The following HDAC4 variants were observed in gnomAD, a reference collection of about 807,000 sequenced individuals.
HDAC4 encodes histone deacetylase A.
Under a neutral mutation model 135.1 loss-of-function variants are expected in HDAC4, and 16 were observed. The ratio of observed to expected loss-of-function variants is 0.12; its 90% CI spans 0.08 to 0.18. HDAC4 has a LOEUF of 0.18. Ranked by LOEUF, HDAC4 falls within the 10% of genes least tolerant of loss-of-function variation. The pLI is 1.00. For synonymous variants in HDAC4, 685 were observed against 653.4 expected (o/e 1.05, Z -0.74); for missense variants, 1,143 against 1,511.8 (o/e 0.76, Z 4.05).
At chr2:239,291,217 T>A (rs1167865212) in intron 2 of HDAC4, among the ~76,000 whole-genome samples, 1 of 152,206 alleles carries the variant, frequency 6.6e-6, no homozygotes, top group Non-Finnish European at 1.5e-5. Flanking sequence ...GGGGGTGTTA[T>A]GACAAAACTG....
intron 7 of HDAC4, among the ~76,000 whole-genome samples, chr2:239,151,914 G>A (rs2042140906): frequency 6.6e-6 from 1 of 152,194 alleles, no homozygotes; most frequent in African/African-American, 2.4e-5. Flanking sequence ...GAGTGCTGTG[G>A]AGTGCACGGT....
intron 2 of HDAC4, among the ~76,000 whole-genome samples, chr2:239,296,483 T>C (rs561985887): frequency 6.6e-6 from 1 of 152,324 alleles, no homozygotes; most frequent in South Asian, 2.1e-4. Flanking sequence ...GACACTCTAA[T>C]TCTAAAGGTC....
At chr2:239,373,288 G>C (rs1559392052) in intron 1 of HDAC4, among the ~76,000 whole-genome samples, 1 of 152,114 alleles carries the variant, frequency 6.6e-6, no homozygotes, top group Non-Finnish European at 1.5e-5. Context: ...TGCCAAGCTA[G>C]GTAAAAAGCA....
chr2:239,103,105 C>T (rs990158733), intron 15 of HDAC4, among the ~76,000 whole-genome samples: 1 of 152,248 alleles, frequency 6.6e-6, no homozygotes, highest in African/African-American at 2.4e-5. Flanking sequence ...AGGGCTTACA[C>T]TTAATTATAG....
intron 2 of HDAC4, among the ~76,000 whole-genome samples, chr2:239,301,971 C>CA (rs1559345545): frequency 6.6e-6 from 1 of 151,572 alleles, no homozygotes; most frequent in Non-Finnish European, 1.5e-5. Flanking sequence ...AACAAACAAA[C>CA]AAAAAAACAC....
At chr2:239,334,529 CAAAT>C (rs1691794833) in intron 2 of HDAC4, among the ~76,000 whole-genome samples, 1 of 149,094 alleles carries the variant, frequency 6.7e-6, no homozygotes, top group South Asian at 2.1e-4. Flanking sequence ...TCAAAACAAA[CAAAT>C]AAAAAAAAAC....
chr2:239,339,433 G>A (rs545244222), intron 2 of HDAC4, among the ~76,000 whole-genome samples: 1 of 152,332 alleles, frequency 6.6e-6, no homozygotes, highest in South Asian at 2.1e-4. Context: ...CCACCCCTGG[G>A]CAGTGATCTC....
intron 6 of HDAC4, among the ~76,000 whole-genome samples, chr2:239,159,019 T>A (rs1474461301): frequency 3.4e-5 from 5 of 148,128 alleles, no homozygotes; most frequent in Non-Finnish European, 7.5e-5. Flanking sequence ...TACCTGCACC[T>A]CACACTATTC....
chr2:239,162,192 G>T, intron 6 of HDAC4: 1 of 456,756 alleles, frequency 2.2e-6, no homozygotes, highest in Non-Finnish European at 4.4e-6. Context: ...TCTTCAGAAA[G>T]GGCTGCCCGT....
intron 2 of HDAC4, among the ~76,000 whole-genome samples, chr2:239,321,785 G>A (rs906256241): frequency 6.6e-6 from 1 of 152,050 alleles, no homozygotes; most frequent in South Asian, 2.1e-4. Flanking sequence ...CACAGCTCCC[G>A]CCCACACCAG....
At chr2:239,174,531 C>A (rs1166387791) in intron 5 of HDAC4, among the ~76,000 whole-genome samples, 1 of 152,212 alleles carries the variant, frequency 6.6e-6, no homozygotes, top group East Asian at 1.9e-4. Flanking sequence ...GCCACAGGAA[C>A]CCCTGTACAT....
At chr2:239,053,724 C>T (rs568246132) in intron 25 of HDAC4, 123 bp from the exon 26 acceptor site, 20 of 790,468 alleles carry the variant, frequency 2.5e-5, no homozygotes, top group Admixed American at 5.2e-5. Context: ...ATTTTAAAAG[C>T]ACCCGTCTTT....
At chr2:239,362,560 C>T (rs1324437394) in intron 1 of HDAC4, among the ~76,000 whole-genome samples, 2 of 152,184 alleles carry the variant, frequency 1.3e-5, no homozygotes, top group African/African-American at 4.8e-5. Context: ...CCCCATTTCA[C>T]GGGCAGTGAC....
At chr2:239,388,955 A>T (rs1237310394) in intron 1 of HDAC4, among the ~76,000 whole-genome samples, 1 of 152,220 alleles carries the variant, frequency 6.6e-6, no homozygotes, top group African/African-American at 2.4e-5. Flanking sequence ...CCACTGCCAG[A>T]GAACCCTGCC....
intron 11 of HDAC4, among the ~76,000 whole-genome samples, chr2:239,128,612 G>A (rs1026116907): frequency 6.6e-6 from 1 of 152,210 alleles, no homozygotes; most frequent in Admixed American, 6.5e-5. Context: ...CTTCACGGAG[G>A]AAATAAGGAA....
intron 22 of HDAC4, among the ~76,000 whole-genome samples, chr2:239,075,369 GGAGA>G (rs1373759864): frequency 6.6e-6 from 1 of 152,136 alleles, no homozygotes; most frequent in Admixed American, 6.5e-5. Context: ...CAACCTGAGG[GGAGA>G]GAGGGGTGGG....
intron 1 of HDAC4, among the ~76,000 whole-genome samples, chr2:239,385,360 G>T (rs1695720208): frequency 6.6e-6 from 1 of 152,248 alleles, no homozygotes; most frequent in Non-Finnish European, 1.5e-5. Flanking sequence ...GAGGTTCCGG[G>T]GGCCTCCGGG....
chr2:239,054,631 G>A (rs2031491296), intron 25 of HDAC4, 118 bp downstream of exon 25: 1 of 767,502 alleles, frequency 1.3e-6, no homozygotes, highest in Admixed American at 1.8e-5. Flanking sequence ...GCAGGCCTGG[G>A]GAAGCAGCCG....
intron 4 of HDAC4, among the ~76,000 whole-genome samples, chr2:239,189,343 G>A (rs1016266205): frequency 5.9e-5 from 9 of 151,920 alleles, no homozygotes; most frequent in African/African-American, 1.9e-4. Flanking sequence ...TAGACAGTAA[G>A]TACCAAAAAA....
Sources: gnomAD v4.1 joint callset for allele counts (sites outside exome capture counted in the v4.1 genomes callset) on GRCh38, gnomAD v4.1.1 for gene constraint, MANE v1.5 for transcripts, NCBI Gene and HGNC (gene_info 2026-07-23, HGNC 2026-07-21) for gene names.